Variants in DPH6 observed in about 807,000 individuals in gnomAD.
The protein encoded by DPH6 is diphthine--ammonia ligase.
DPH6 carries 33 observed loss-of-function variants against 38.2 expected under a neutral mutation model. The observed-to-expected ratio is 0.86, with a 90% CI of 0.65 to 1.15. The LOEUF (loss-of-function observed/expected upper bound fraction) is 1.15, where lower values mean the gene tolerates loss of function less well. DPH6 is among the 50% of genes most tolerant of loss of function. DPH6 has a pLI of 0.00. For synonymous variants in DPH6, 108 were observed against 103.0 expected (o/e 1.05, Z -0.30); for missense variants, 325 against 320.0 (o/e 1.02, Z -0.12).
At chr15:35,254,270 T>C (rs963475196) in intron 3 of DPH6, among the ~76,000 whole-genome samples, 1 of 152,218 alleles carries the variant, frequency 6.6e-6, no homozygotes, top group African/African-American at 2.4e-5. Flanking sequence ...TGTCCCTGAA[T>C]ATACAACATG....
chr15:35,302,944 T>TA (rs1461105446), intron 3 of DPH6, among the ~76,000 whole-genome samples: 3 of 152,158 alleles, frequency 2.0e-5, no homozygotes, highest in Admixed American at 2.0e-4. Flanking sequence ...GTTTCTATAT[T>TA]AAAAAATAAA....
intron 7 of DPH6, among the ~76,000 whole-genome samples, chr15:35,377,240 G>A (rs1003850990): frequency 6.6e-6 from 1 of 151,970 alleles, no homozygotes; most frequent in Non-Finnish European, 1.5e-5. Context: ...TGAGTAGGTG[G>A]GGATGAAAAT....
chr15:35,415,266 A>G (rs950320799), intron 5 of DPH6, among the ~76,000 whole-genome samples: 1 of 151,866 alleles, frequency 6.6e-6, no homozygotes, highest in Non-Finnish European at 1.5e-5. Flanking sequence ...GTGTGTGTGT[A>G]ACAACACATA....
At chr15:35,318,913 C>T (rs2052216332) in intron 3 of DPH6, among the ~76,000 whole-genome samples, 1 of 152,122 alleles carries the variant, frequency 6.6e-6, no homozygotes, top group Admixed American at 6.5e-5. Context: ...TGTCAATATA[C>T]ACACAAGATC....
chr15:35,264,656 G>T (rs1335626515), intron 3 of DPH6, among the ~76,000 whole-genome samples: 1 of 152,188 alleles, frequency 6.6e-6, no homozygotes, highest in Non-Finnish European at 1.5e-5. Context: ...CAGTCAGGTG[G>T]AATGGCCTTT....
chr15:35,469,662 T>C (rs531097995), intron 3 of DPH6, among the ~76,000 whole-genome samples: 1 of 152,136 alleles, frequency 6.6e-6, no homozygotes, highest in Non-Finnish European at 1.5e-5. Flanking sequence ...TGAGTGCCAA[T>C]TGGACACTGA....
chr15:35,359,040 C>T (rs1180246624), intron 3 of DPH6, among the ~76,000 whole-genome samples: 2 of 152,062 alleles, frequency 1.3e-5, no homozygotes, highest in African/African-American at 2.4e-5. Flanking sequence ...TCAGACTCTC[C>T]GTGGGCGTGT....
At chr15:35,431,234 C>T (rs1366129709) in intron 5 of DPH6, among the ~76,000 whole-genome samples, 8 of 152,136 alleles carry the variant, frequency 5.3e-5, no homozygotes, top group African/African-American at 1.9e-4. Flanking sequence ...TTCATAATTA[C>T]CCCTATACCT....
At chr15:35,431,873 C>T (rs755411115) in intron 5 of DPH6, among the ~76,000 whole-genome samples, 2 of 152,058 alleles carry the variant, frequency 1.3e-5, no homozygotes, top group African/African-American at 2.4e-5. Context: ...CTGCAAGCTC[C>T]GCATCCCAGG....
chr15:35,451,668 C>T (rs1226892741), intron 4 of DPH6, among the ~76,000 whole-genome samples: 1 of 152,196 alleles, frequency 6.6e-6, no homozygotes, highest in African/African-American at 2.4e-5. Flanking sequence ...CTTCCACCCT[C>T]ACCCTTTTAA....
At chr15:35,471,010 G>A (rs554075732) in intron 3 of DPH6, among the ~76,000 whole-genome samples, 57 of 152,176 alleles carry the variant, frequency 3.7e-4, no homozygotes, top group Non-Finnish European at 7.4e-4. Flanking sequence ...AAAAAGCTCA[G>A]CTTTACAACA....
At chr15:35,395,977 T>C (rs1363298275) in intron 6 of DPH6, among the ~76,000 whole-genome samples, 1 of 152,170 alleles carries the variant, frequency 6.6e-6, no homozygotes, top group East Asian at 1.9e-4. Context: ...ATCTACAACA[T>C]GCTTTCAGAG....
intron 3 of DPH6, chr15:35,282,855 G>A: frequency 2.9e-6 from 1 of 340,396 alleles, no homozygotes; most frequent in South Asian, 3.1e-5. Context: ...TTGTGGGCCA[G>A]CTTAAGGTGG....
intron 3 of DPH6, among the ~76,000 whole-genome samples, chr15:35,461,942 A>G (rs2054071517): frequency 1.3e-5 from 2 of 152,220 alleles, no homozygotes; most frequent in South Asian, 2.1e-4. Context: ...TGCAGATTCA[A>G]CAAAGCTCTT....
chr15:35,376,306 C>T (rs1253826052), intron 7 of DPH6, among the ~76,000 whole-genome samples: 1 of 152,138 alleles, frequency 6.6e-6, no homozygotes, highest in Non-Finnish European at 1.5e-5. Context: ...CACAATTACA[C>T]ACTAATTAGT....
At chr15:35,204,977 GAGAAA>G in the DPH6 span, among the ~76,000 whole-genome samples, 1 of 151,920 alleles carries the variant, frequency 6.6e-6, no homozygotes, top group Admixed American at 6.6e-5. Context: ...GTGAGAAACT[GAGAAA>G]AGATCAGGGA....
At chr15:35,487,831 T>C (rs2054425446) in intron 3 of DPH6, among the ~76,000 whole-genome samples, 1 of 152,232 alleles carries the variant, frequency 6.6e-6, no homozygotes, top group Admixed American at 6.5e-5. Flanking sequence ...TCCCAACCTT[T>C]ACACTCCGCT....
intron 3 of DPH6, among the ~76,000 whole-genome samples, chr15:35,268,695 GT>G (rs1382451857): frequency 6.6e-6 from 1 of 151,046 alleles, no homozygotes; most frequent in Non-Finnish European, 1.5e-5. Context: ...ATGAAGTCAT[GT>G]TACAGAACCT....
chr15:35,342,697 CATA>C (rs2052431131), intron 3 of DPH6, among the ~76,000 whole-genome samples: 7 of 152,076 alleles, frequency 4.6e-5, no homozygotes, highest in African/African-American at 1.7e-4. Flanking sequence ...GATGGGTTTT[CATA>C]ATAAGAAGAT....
Sources: gnomAD v4.1 joint callset for allele counts (sites outside exome capture counted in the v4.1 genomes callset) on GRCh38, gnomAD v4.1.1 for gene constraint, MANE v1.5 for transcripts, NCBI Gene and HGNC (gene_info 2026-07-23, HGNC 2026-07-21) for gene names.